The following TNFSF4 variants were observed in gnomAD, a reference collection of about 807,000 sequenced individuals.
TNFSF4 encodes TNF superfamily member 4.
TNFSF4 carries 4 observed loss-of-function variants against 7.3 expected under a neutral mutation model. The observed-to-expected ratio is 0.55, with a 90% confidence interval of 0.27 to 1.25. The LOEUF is 1.25. Ranked by LOEUF, TNFSF4 falls within the 50% of genes most tolerant of loss-of-function variation. TNFSF4 has a pLI of 0.12. For missense variants in TNFSF4, 181 were observed against 208.8 expected, an observed-to-expected ratio of 0.87 and a Z score of 0.82; for synonymous variants, 76 against 83.7, an observed-to-expected ratio of 0.91 and a Z score of 0.50.
At chr1:173,419,711 G>A in the TNFSF4 span, among the ~76,000 whole-genome samples, 1 of 152,204 alleles carries the variant, frequency 6.6e-6, no homozygotes, top group Admixed American at 6.5e-5. Flanking sequence ...ACACAAGGGA[G>A]AATAAAAGGA....
At chr1:173,370,714 C>T in the TNFSF4 span, among the ~76,000 whole-genome samples, 1 of 152,108 alleles carries the variant, frequency 6.6e-6, no homozygotes, top group Non-Finnish European at 1.5e-5. Context: ...CGTTATTAAA[C>T]CTGGCAACAT....
the TNFSF4 span, among the ~76,000 whole-genome samples, chr1:173,423,000 G>A: frequency 2.0e-5 from 3 of 150,870 alleles, no homozygotes; most frequent in East Asian, 5.8e-4. Flanking sequence ...ACAGAGTCTC[G>A]CTCTGTTGCC....
intron 1 of TNFSF4, among the ~76,000 whole-genome samples, chr1:173,196,852 A>C (rs1649721849): frequency 6.6e-6 from 1 of 151,926 alleles, no homozygotes; most frequent in South Asian, 2.1e-4. Flanking sequence ...ATTTCTGAGA[A>C]CTCCTGTCCC....
the TNFSF4 span, among the ~76,000 whole-genome samples, chr1:173,276,456 C>T: frequency 6.6e-6 from 1 of 152,086 alleles, no homozygotes. Flanking sequence ...AACTTTCTGT[C>T]ATCTTGTCCA....
the TNFSF4 span, among the ~76,000 whole-genome samples, chr1:173,423,832 G>C: frequency 6.6e-6 from 1 of 152,178 alleles, no homozygotes; most frequent in Admixed American, 6.5e-5. Flanking sequence ...CAAAATACCT[G>C]AGACTGGGTA....
the TNFSF4 span, among the ~76,000 whole-genome samples, chr1:173,301,887 C>T: frequency 6.7e-6 from 1 of 149,818 alleles, no homozygotes; most frequent in Non-Finnish European, 1.5e-5. Flanking sequence ...TTCTCATTCC[C>T]TGCACTCACA....
the TNFSF4 span, among the ~76,000 whole-genome samples, chr1:173,301,808 T>C: frequency 6.6e-6 from 1 of 151,546 alleles, no homozygotes; most frequent in Non-Finnish European, 1.5e-5. Context: ...CTACCACCCA[T>C]GCACCCCACC....
chr1:173,302,352 T>C, the TNFSF4 span, among the ~76,000 whole-genome samples: 1 of 151,914 alleles, frequency 6.6e-6, no homozygotes, highest in Non-Finnish European at 1.5e-5. Context: ...AGACACTGAT[T>C]GTAGAGAGTT....
At chr1:173,302,004 A>C in the TNFSF4 span, among the ~76,000 whole-genome samples, 30 of 151,902 alleles carry the variant, frequency 2.0e-4, no homozygotes, top group Non-Finnish European at 3.7e-4. Flanking sequence ...TGGGAGAAAA[A>C]AAGCTAAAAG....
At chr1:173,194,440 C>T (rs1649610282) in intron 1 of TNFSF4, among the ~76,000 whole-genome samples, 1 of 152,126 alleles carries the variant, frequency 6.6e-6, no homozygotes, top group African/African-American at 2.4e-5. Flanking sequence ...TTTCAAAGAA[C>T]AGAAAAATCA....
the TNFSF4 span, among the ~76,000 whole-genome samples, chr1:173,237,889 C>T: frequency 1.3e-5 from 2 of 152,160 alleles, no homozygotes; most frequent in African/African-American, 4.8e-5. Context: ...ACATTCTTCA[C>T]TGAACTAGAA....
chr1:173,308,812 A>G, the TNFSF4 span, among the ~76,000 whole-genome samples: 1 of 151,904 alleles, frequency 6.6e-6, no homozygotes, highest in South Asian at 2.1e-4. Flanking sequence ...AGCATCTTGG[A>G]GCCTAGCTGG....
chr1:173,204,874 G>GTT (rs1233885697), intron 1 of TNFSF4, among the ~76,000 whole-genome samples: 1 of 149,428 alleles, frequency 6.7e-6, no homozygotes, highest in Non-Finnish European at 1.5e-5. Context: ...CTCTGTCTCT[G>GTT]TTTCTCTCTC....
At chr1:173,324,601 G>A in the TNFSF4 span, among the ~76,000 whole-genome samples, 7 of 152,166 alleles carry the variant, frequency 4.6e-5, no homozygotes, top group East Asian at 1.9e-4. Context: ...CCATCAGTGC[G>A]CTATATTCAG....
chr1:173,308,099 T>G, the TNFSF4 span, among the ~76,000 whole-genome samples: 18 of 151,976 alleles, frequency 1.2e-4, no homozygotes, highest in African/African-American at 4.1e-4. Flanking sequence ...AATTCTTTAT[T>G]CTAAATACAA....
the TNFSF4 span, among the ~76,000 whole-genome samples, chr1:173,238,022 A>G: frequency 3.3e-5 from 5 of 152,228 alleles, no homozygotes; most frequent in Non-Finnish European, 5.9e-5. Flanking sequence ...ACAAGGCTAC[A>G]GTAACCGAAA....
chr1:173,266,911 C>T, the TNFSF4 span, among the ~76,000 whole-genome samples: 2 of 152,038 alleles, frequency 1.3e-5, no homozygotes, highest in Non-Finnish European at 2.9e-5. Context: ...CTCAGTATCA[C>T]GGTGTCATGA....
At chr1:173,282,404 A>C in the TNFSF4 span, among the ~76,000 whole-genome samples, 1 of 152,028 alleles carries the variant, frequency 6.6e-6, no homozygotes, top group Non-Finnish European at 1.5e-5. Flanking sequence ...TATATAAGAC[A>C]TTTAAACTCA....
the TNFSF4 span, among the ~76,000 whole-genome samples, chr1:173,330,941 A>G: frequency 5.8e-3 from 860 of 148,536 alleles, 7 homozygotes; most frequent in Middle Eastern, 0.028. Flanking sequence ...CTGGAGTGCA[A>G]TGGCGCGATC....
Sources: allele counts gnomAD v4.1 joint callset (sites outside exome capture counted in the v4.1 genomes callset), GRCh38; gene constraint gnomAD v4.1.1; transcripts MANE v1.5; gene names NCBI Gene and HGNC (gene_info 2026-07-23, HGNC 2026-07-21).